Variants in GALNT18 observed in about 807,000 individuals in gnomAD.
GALNT18 encodes the protein polypeptide N-acetylgalactosaminyltransferase 18.
In GALNT18, 44 loss-of-function variants were observed where a neutral mutation model predicts 69.5. The ratio of observed to expected loss-of-function variants is 0.63; its 90% CI spans 0.50 to 0.81. The LOEUF is 0.81. Ranked by LOEUF, GALNT18 falls within the 40% of genes least tolerant of loss-of-function variation. The pLI, the probability that GALNT18 is intolerant of heterozygous loss-of-function variation, is 0.00. For synonymous variants in GALNT18, 364 were observed against 318.2 expected (o/e 1.14, Z -1.53); for missense variants, 715 against 810.0 (o/e 0.88, Z 1.42).
intron 1 of GALNT18, among the ~76,000 whole-genome samples, chr11:11,529,636 TATACACACAC>T (rs1743271525): frequency 1.4e-5 from 2 of 141,264 alleles, no homozygotes; most frequent in Admixed American, 1.4e-4. Flanking sequence ...TATATATATA[TATACACACAC>T]ACACACACAC....
intron 10 of GALNT18, among the ~76,000 whole-genome samples, chr11:11,274,130 C>A (rs144088929): frequency 6.6e-6 from 1 of 152,034 alleles, no homozygotes; most frequent in East Asian, 1.9e-4. Context: ...GAGAGTGTAC[C>A]GGGAGGAACA....
chr11:11,342,194 T>C (rs985609127), intron 6 of GALNT18, among the ~76,000 whole-genome samples: 1 of 152,104 alleles, frequency 6.6e-6, no homozygotes, highest in African/African-American at 2.4e-5. Context: ...TAGAAGTACT[T>C]TATAAGTACT....
intron 1 of GALNT18, among the ~76,000 whole-genome samples, chr11:11,531,648 C>T (rs771718091): frequency 1.3e-5 from 2 of 152,202 alleles, no homozygotes; most frequent in Non-Finnish European, 2.9e-5. Context: ...TCCACAGGGA[C>T]TGTATCTTGC....
chr11:11,387,508 C>T lies in GALNT18; in HGVS notation c.596-8244G>A, dbSNP rs1336044276. 6.6e-6 allele frequency among the ~76,000 whole-genome samples: 1 copy of T among 152,202 alleles called. No homozygotes were observed. The highest frequency in any genetic ancestry group is 1.5e-5 in the Non-Finnish European group (1 of 68,040). On this transcript the variant is annotated intron_variant, in intron 3 of 10. Transcript: ENST00000227756. This position sits in a 1 kb window ranked among gnomAD's most constrained non-coding sequence, Gnocchi z 4.6. The stretch of plus-strand genomic sequence containing the variant: ...AATTAATTGCTTGTCTCCAATGGTG[C>T]TAATTTAAAGATTAAAAGTGTGTTT...
chr11:11,617,401 C>G lies in GALNT18; in HGVS notation c.235+3958G>C, dbSNP rs976783062. Among the ~76,000 whole-genome samples the G allele has an allele frequency of 6.6e-6, 1 of 152,194 alleles. No homozygotes were observed. The highest frequency in any genetic ancestry group is 2.4e-5 in the African/African-American group (1 of 41,450). The stretch of plus-strand genomic sequence containing the variant: ...TACAGTTCACCACTGTAATCACTTT[C>G]TCAGTGCAGTGTCTGGCACACATTA... On this transcript the variant is annotated intron_variant, in intron 1 of 10. Transcript: ENST00000227756. The surrounding 1 kb of genome is among the most constrained non-coding windows in gnomAD (Gnocchi z 4.7).
At chr11:11,272,779 C>T (rs1848853763) in intron 10 of GALNT18, among the ~76,000 whole-genome samples, 2 of 151,790 alleles carry the variant, frequency 1.3e-5, no homozygotes, top group South Asian at 4.1e-4. Context: ...ACAAGCTGGG[C>T]TGGTGCTCTT....
chr11:11,355,624 C>A (rs1332054341), intron 6 of GALNT18, among the ~76,000 whole-genome samples: 1 of 152,192 alleles, frequency 6.6e-6, no homozygotes, highest in Non-Finnish European at 1.5e-5. Flanking sequence ...TTTAGAAACA[C>A]TGAAATCCCA....
chr11:11,288,104 C>T (rs1369029912), intron 10 of GALNT18, among the ~76,000 whole-genome samples: 1 of 152,158 alleles, frequency 6.6e-6, no homozygotes, highest in African/African-American at 2.4e-5. Flanking sequence ...GGGGATTTTG[C>T]ACACCCCACC....
intron 9 of GALNT18, among the ~76,000 whole-genome samples, chr11:11,317,517 T>C (rs1849776407): frequency 6.6e-6 from 1 of 152,248 alleles, no homozygotes; most frequent in Non-Finnish European, 1.5e-5. Flanking sequence ...TCATTGTTTG[T>C]TGGCTGCTTG....
rs1860116515 is a variant in GALNT18, at chr11:11,618,625, T to C, written c.235+2734A>G. 6.6e-6 allele frequency among the ~76,000 whole-genome samples: 1 copy of C among 152,218 alleles called. No homozygotes were observed. The highest frequency in any genetic ancestry group is 1.5e-5 in the Non-Finnish European group (1 of 68,040). ...AGAACTTAGACTTCTGAAGCCACAC[T>C]AGCTGAGCTTACATCCCTATACTAT... On this transcript the variant is annotated intron_variant, in intron 1 of 10. Coordinates refer to ENST00000227756, the MANE Select transcript of GALNT18 (RefSeq NM_198516.3). This position sits in a 1 kb window ranked among gnomAD's most constrained non-coding sequence, Gnocchi z 6.1.
At chr11:11,588,605 T>TCATC (rs1212607171) in intron 1 of GALNT18, among the ~76,000 whole-genome samples, 3 of 152,158 alleles carry the variant, frequency 2.0e-5, no homozygotes, top group Non-Finnish European at 2.9e-5. Context: ...GGATGAAGAC[T>TCATC]CAGGGGTGCT....
chr11:11,552,867 C>T (rs1199931849), intron 1 of GALNT18, among the ~76,000 whole-genome samples: 1 of 152,138 alleles, frequency 6.6e-6, no homozygotes, highest in Non-Finnish European at 1.5e-5. Context: ...ACCTCAGCTC[C>T]AGGTCTCTGC....
chr11:11,531,783 A>T (rs571197753), intron 1 of GALNT18, among the ~76,000 whole-genome samples: 1 of 152,034 alleles, frequency 6.6e-6, no homozygotes, highest in African/African-American at 2.4e-5. Context: ...TGGGTCTCTC[A>T]CCCTCTCTTA....
At position 11,383,865 on chromosome 11, in the gene GALNT18, C is replaced by A. The variant is rs1231823025; in HGVS notation, c.596-4601G>T. Reference sequence around the variant, plus strand: ...TGTCTCTCTCTCCCTCTCTCTCCTGCCACCTTGTGAAGAAGGTGACTGTTT... The same window carrying A: ...TGTCTCTCTCTCCCTCTCTCTCCTGACACCTTGTGAAGAAGGTGACTGTTT... On this transcript the variant is annotated intron_variant, in intron 3 of 10. Coordinates refer to ENST00000227756, the MANE Select transcript of GALNT18 (RefSeq NM_198516.3). This position sits in a 1 kb window ranked among gnomAD's most constrained non-coding sequence, Gnocchi z 5.2. Among the ~76,000 whole-genome samples, 1 of 151,924 alleles carries A rather than the reference C, an allele frequency of 6.6e-6. No homozygotes were observed. The highest frequency in any genetic ancestry group is 2.4e-5 in the African/African-American group (1 of 41,340).
intron 1 of GALNT18, among the ~76,000 whole-genome samples, chr11:11,493,908 G>A (rs1349710906): frequency 2.0e-5 from 3 of 152,172 alleles, no homozygotes; most frequent in African/African-American, 4.8e-5. Flanking sequence ...CCACAGCCAT[G>A]GGGAGCTGTC....
At chr11:11,484,827 G>A (rs1284306424) in intron 1 of GALNT18, among the ~76,000 whole-genome samples, 1 of 152,188 alleles carries the variant, frequency 6.6e-6, no homozygotes, top group Non-Finnish European at 1.5e-5. Flanking sequence ...AGCTCTTCCA[G>A]GTCCCCAAGG....
intron 6 of GALNT18, among the ~76,000 whole-genome samples, chr11:11,345,289 C>T (rs1048457449): frequency 1.2e-4 from 18 of 152,198 alleles, no homozygotes; most frequent in Non-Finnish European, 1.8e-4. Context: ...GTTTACCCTG[C>T]CACTTCTGGA....
At chr11:11,553,844 C>T (rs1260679498) in intron 1 of GALNT18, among the ~76,000 whole-genome samples, 2 of 152,150 alleles carry the variant, frequency 1.3e-5, no homozygotes, top group Non-Finnish European at 1.5e-5. Flanking sequence ...ATTGCAAGTC[C>T]ACAGTGTAGC....
intron 3 of GALNT18, 49 bp from the exon 4 acceptor site, chr11:11,379,313 A>G: frequency 1.3e-6 from 2 of 1,542,728 alleles, no homozygotes; most frequent in Non-Finnish European, 1.8e-6. Flanking sequence ...GTCAGGAGGC[A>G]GAGGGGGCAA....
Sources: gnomAD v4.1 joint callset for allele counts (sites outside exome capture counted in the v4.1 genomes callset) on GRCh38, gnomAD v4.1.1 for gene constraint, Gnocchi (gnomAD v3.1) non-coding constraint, MANE v1.5 for transcripts, NCBI Gene and HGNC (gene_info 2026-07-23, HGNC 2026-07-21) for gene names.